The following ADAM22 variants were observed in gnomAD, a reference collection of about 807,000 sequenced individuals.
The protein encoded by ADAM22 is ADAM metallopeptidase domain 22.
Under a neutral mutation model 144.6 loss-of-function variants are expected in ADAM22, and 65 were observed. The ratio of observed to expected loss-of-function variants is 0.45; its 90% CI spans 0.37 to 0.55. The LOEUF (loss-of-function observed/expected upper bound fraction) is 0.55, where lower values mean the gene tolerates loss of function less well. ADAM22 is among the 20% of genes least tolerant of loss of function. The probability of loss-of-function intolerance (pLI) is 0.00; values close to 1 mark genes in which losing one functional copy is unlikely to be tolerated. For synonymous variants in ADAM22, 391 were observed against 412.6 expected (o/e 0.95, Z 0.63); for missense variants, 974 against 1,184.9 (o/e 0.82, Z 2.61).
intron 7 of ADAM22, among the ~76,000 whole-genome samples, chr7:88,117,715 A>C (rs1225555263): frequency 1.4e-5 from 2 of 144,688 alleles, no homozygotes; most frequent in East Asian, 4.0e-4. Flanking sequence ...TTTTTTTGAG[A>C]CAAAGTCTTG....
At chr7:88,072,861 C>T (rs1375327710) in intron 3 of ADAM22, among the ~76,000 whole-genome samples, 12 of 152,198 alleles carry the variant, frequency 7.9e-5, no homozygotes, top group Admixed American at 7.9e-4. Context: ...GCTAGTATCT[C>T]TCCTGTTTTG....
rs192171311 is a variant in ADAM22, at chr7:87,956,405, A to G, written c.246+21219A>G. On this transcript the variant is annotated intron_variant, in intron 2 of 31. Coordinates refer to ENST00000413139, the MANE Select transcript of ADAM22 (RefSeq NM_001324418.2). Reference sequence around the variant, plus strand: ...CTAACCTAATGTAATCCCAGGAACAAAATAGTTCCTATCTTACTTATATGT... The same window carrying G: ...CTAACCTAATGTAATCCCAGGAACAGAATAGTTCCTATCTTACTTATATGT... Among the ~76,000 whole-genome samples, 339 of 152,356 alleles carry G rather than the reference A, an allele frequency of 2.2e-3. 3 individuals carry two copies. Among genetic ancestry groups the G allele is most frequent in the African/African-American group, 7.9e-3 (328 of 41,580 alleles).
chr7:88,129,879 A>G (rs1408051756), intron 9 of ADAM22, among the ~76,000 whole-genome samples: 1 of 152,112 alleles, frequency 6.6e-6, no homozygotes, highest in Non-Finnish European at 1.5e-5. Context: ...GAGACCAACC[A>G]AAGATATATG....
intron 3 of ADAM22, among the ~76,000 whole-genome samples, chr7:87,989,916 T>C (rs536963592): frequency 4.5e-4 from 68 of 151,696 alleles, no homozygotes; most frequent in Admixed American, 1.0e-3. Flanking sequence ...TGAGACTCCA[T>C]CTCAAAGAAA....
chr7:88,186,466 G>A (rs1372697790), intron 29 of ADAM22, 149 bp from the exon 30 acceptor site: 2 of 699,088 alleles, frequency 2.9e-6, no homozygotes, highest in South Asian at 3.1e-5. Flanking sequence ...TGTATAGACT[G>A]CCTCATAATC....
At chr7:88,008,597 G>T (rs1386441357) in intron 3 of ADAM22, among the ~76,000 whole-genome samples, 4 of 151,404 alleles carry the variant, frequency 2.6e-5, no homozygotes, top group African/African-American at 9.7e-5. Context: ...CATGTCCTTT[G>T]TAGGGACATG....
intron 3 of ADAM22, among the ~76,000 whole-genome samples, chr7:88,002,808 C>G (rs1277965109): frequency 6.6e-6 from 1 of 152,168 alleles, no homozygotes; most frequent in African/African-American, 2.4e-5. Flanking sequence ...TTTTATAAGA[C>G]TGTTTTCACT....
intron 30 of ADAM22, among the ~76,000 whole-genome samples, chr7:88,191,501 A>G (rs183770696): frequency 6.6e-6 from 1 of 152,366 alleles, no homozygotes; most frequent in East Asian, 1.9e-4. Context: ...ACGCCAGGTT[A>G]ATAGTCCTCA....
intron 4 of ADAM22, among the ~76,000 whole-genome samples, chr7:88,105,364 A>T (rs1405787874): frequency 6.6e-6 from 1 of 152,208 alleles, no homozygotes; most frequent in Non-Finnish European, 1.5e-5. Context: ...TTCTGTCTTT[A>T]TCAGGTCATC....
At position 88,149,104 on chromosome 7, in the gene ADAM22, G is replaced by T. The variant is rs760229888; in HGVS notation, c.1566+47G>T. The T allele has an allele frequency of 3.7e-6, 5 of 1,345,156 alleles. No individual in the cohort carries two copies. The African/African-American group carries it at 4.3e-5, about 12-fold the overall frequency. The allele number at this position is 1,345,156 out of a possible 1,614,324, so 83.3% of individuals were successfully genotyped here. ...CTAAAACTTATGGGAAAAAGTGGGG[G>T]TATCTTTAGTGCACTGACCCTCAAA... On this transcript the variant is annotated intron_variant, in intron 18 of 31. Transcript: ENST00000413139.
intron 29 of ADAM22, among the ~76,000 whole-genome samples, chr7:88,182,876 C>T (rs1485267564): frequency 6.6e-6 from 1 of 152,096 alleles, no homozygotes; most frequent in South Asian, 2.1e-4. Flanking sequence ...TTACTTATTT[C>T]TCACTCTAGC....
chr7:88,195,257 ATCT>A (rs1850427289), intron 31 of ADAM22, among the ~76,000 whole-genome samples: 1 of 152,140 alleles, frequency 6.6e-6, no homozygotes, highest in African/African-American at 2.4e-5. Context: ...CATCAGCTTG[ATCT>A]TCTTTTTAAA....
rs1827261977 is a variant in ADAM22 at position 88,114,574 on chromosome 7, T to A, written c.474-10T>A. 6.2e-7 allele frequency: 1 copy of A among 1,613,624 alleles called. No individual in the cohort carries two copies. ...ATGGCCATGCCTAATTATTTTTTTG[T>A]CGTTGGCAGTGGGATGTTCTATGAC... On this transcript the variant is annotated splice_polypyrimidine_tract_variant and intron_variant, in intron 5 of 31. Transcript: ENST00000413139.
chr7:88,056,594 A>C (rs1808313608), intron 3 of ADAM22, among the ~76,000 whole-genome samples: 1 of 152,178 alleles, frequency 6.6e-6, no homozygotes, highest in African/African-American at 2.4e-5. Flanking sequence ...GCCACATCCA[A>C]AGGCCTTAGA....
chr7:87,988,572 C>A (rs1166114995), intron 3 of ADAM22, among the ~76,000 whole-genome samples: 1 of 152,164 alleles, frequency 6.6e-6, no homozygotes, highest in Non-Finnish European at 1.5e-5. Flanking sequence ...TAAAGCAAGT[C>A]ATATTTGCGT....
At chr7:88,050,110 G>T (rs906498264) in intron 3 of ADAM22, among the ~76,000 whole-genome samples, 7 of 151,284 alleles carry the variant, frequency 4.6e-5, no homozygotes, top group African/African-American at 1.7e-4. Flanking sequence ...AAGGCCAGGT[G>T]TAGTGGCTCA....
chr7:88,097,151 CTTT>C (rs1169759079), intron 4 of ADAM22, among the ~76,000 whole-genome samples: 2 of 129,212 alleles, frequency 1.5e-5, no homozygotes, highest in Non-Finnish European at 1.7e-5. Flanking sequence ...TTTTTCTTTT[CTTT>C]TTTTTTTTTT....
At position 88,153,329 on chromosome 7, in the gene ADAM22, G is replaced by A. The variant is rs754413054; in HGVS notation, c.1787+3G>A. On this transcript the variant is annotated splice_donor_region_variant and intron_variant, in intron 21 of 31. Transcript: ENST00000413139. Reference sequence around the variant, plus strand: ...ACATGGATACAGTGCAACAAACGGTGAGGTGGAGACGTCAGCCCAGAATTC... The same window carrying A: ...ACATGGATACAGTGCAACAAACGGTAAGGTGGAGACGTCAGCCCAGAATTC... 1.2e-6 allele frequency: 2 copies of A among 1,610,378 alleles called. No homozygotes were observed. The highest frequency in any genetic ancestry group is 3.3e-5 in the Admixed American group (2 of 59,718).
At chr7:88,193,026 G>A in intron 30 of ADAM22, 90 bp from the exon 31 acceptor site, 1 of 1,506,940 alleles carries the variant, frequency 6.6e-7, no homozygotes, top group East Asian at 2.3e-5. Flanking sequence ...AAAGTTAGAA[G>A]TCAGAGGGTT....
Sources: gnomAD v4.1 joint callset for allele counts (sites outside exome capture counted in the v4.1 genomes callset) on GRCh38, gnomAD v4.1.1 for gene constraint, MANE v1.5 for transcripts, NCBI Gene and HGNC (gene_info 2026-07-23, HGNC 2026-07-21) for gene names.